The following IGSF10 variants were observed in gnomAD, a reference collection of about 807,000 sequenced individuals.
IGSF10 encodes immunoglobulin superfamily member 10.
In IGSF10, 126 loss-of-function variants were observed where a neutral mutation model predicts 128.2. The observed-to-expected ratio is 0.98, with a 90% CI of 0.85 to 1.14. The LOEUF (loss-of-function observed/expected upper bound fraction) is 1.14, where lower values mean the gene tolerates loss of function less well. IGSF10 is among the 50% of genes most tolerant of loss of function. The pLI, the probability that IGSF10 is intolerant of heterozygous loss-of-function variation, is 0.00. For synonymous variants in IGSF10, 1,185 were observed against 1,146.2 expected, an observed-to-expected ratio of 1.03 and a Z score of -0.68; for missense variants, 3,295 against 3,149.8, an observed-to-expected ratio of 1.05 and a Z score of -1.10.
At chr3:151,567,298 A>C in the IGSF10 span, among the ~76,000 whole-genome samples, 1 of 152,058 alleles carries the variant, frequency 6.6e-6, no homozygotes, top group Admixed American at 6.6e-5. Flanking sequence ...ATAAATATTC[A>C]TTTTATTTGA....
chr3:151,607,198 G>A, the IGSF10 span, among the ~76,000 whole-genome samples: 4 of 152,198 alleles, frequency 2.6e-5, no homozygotes, highest in African/African-American at 7.2e-5. Context: ...CTTAGAGGCT[G>A]AGTATTGGCA....
At chr3:151,464,244 T>C (rs944861368), upstream of IGSF10, among the ~76,000 whole-genome samples, 2 of 152,218 alleles carry the variant, frequency 1.3e-5, no homozygotes, top group African/African-American at 4.8e-5. Flanking sequence ...TACCTAATGA[T>C]TTTCTTTAAA....
chr3:151,437,192 C>T lies in IGSF10; in HGVS notation c.7369G>A (p.Asp2457Asn). 1 of 1,614,190 alleles carries T rather than the reference C, an allele frequency of 6.2e-7. No homozygotes were observed. The highest frequency in any genetic ancestry group is 1.3e-5 in the African/African-American group (1 of 75,048). Residue 2457 changes from aspartate to asparagine, a missense_variant, in exon 8 of 8, where the codon GAT (aspartate) becomes AAT (asparagine). By Grantham distance (23) the Asp-to-Asn change is conservative. Coordinates refer to ENST00000282466, the MANE Select transcript of IGSF10 (RefSeq NM_178822.5). ...TTGATATTTGGCTTAGGGATTCCAT[C>T]AGACACACAATGCAGTGATAGAGAT... ...GESLSLHCVS[D>N]GIPKPNIKWT...
At chr3:151,516,205 C>T in the IGSF10 span, among the ~76,000 whole-genome samples, 1 of 152,012 alleles carries the variant, frequency 6.6e-6, no homozygotes. Context: ...TAGAACTGTA[C>T]ACCCATTGGA....
chr3:151,584,364 T>C, the IGSF10 span, among the ~76,000 whole-genome samples: 1 of 152,246 alleles, frequency 6.6e-6, no homozygotes, highest in Admixed American at 6.5e-5. Flanking sequence ...TCTGACAATC[T>C]TTATCTTTTA....
At chr3:151,608,764 G>A in the IGSF10 span, among the ~76,000 whole-genome samples, 2 of 151,968 alleles carry the variant, frequency 1.3e-5, no homozygotes, top group African/African-American at 4.8e-5. Flanking sequence ...TGACATTTTT[G>A]TCAAAGAAAA....
chr3:151,457,306 C>T (rs936145384), intron 3 of IGSF10, 151 bp from the exon 4 acceptor site: 33 of 734,254 alleles, frequency 4.5e-5, no homozygotes, highest in Non-Finnish European at 6.5e-5. Context: ...TGAAATTCAC[C>T]AGATGCCACA....
chr3:151,501,188 A>G, the IGSF10 span, among the ~76,000 whole-genome samples: 18 of 152,058 alleles, frequency 1.2e-4, no homozygotes, highest in Non-Finnish European at 7.4e-5. Flanking sequence ...TCCGTAAGGC[A>G]GTTTGAGGAC....
At chr3:151,493,992 G>T in the IGSF10 span, among the ~76,000 whole-genome samples, 5 of 151,872 alleles carry the variant, frequency 3.3e-5, no homozygotes, top group African/African-American at 1.2e-4. Flanking sequence ...GAACTCAAGA[G>T]CATTGTAAAG....
chr3:151,524,130 C>A, the IGSF10 span, among the ~76,000 whole-genome samples: 1 of 152,040 alleles, frequency 6.6e-6, no homozygotes, highest in African/African-American at 2.4e-5. Flanking sequence ...GAAAAAATAA[C>A]AGGTGCTGGC....
At position 151,447,743 on chromosome 3, in the gene IGSF10, G is replaced by C; in HGVS notation, c.2238C>G (p.Pro746=). Residue 746 remains proline, a synonymous_variant, in exon 6 of 8, where the codon CCC becomes CCG. Transcript: ENST00000282466. ...GTTGTGGGTCAATTCTCCTAGCAGA[G>C]GGAGGGAAATGCCTCCTATTCTCCC... ...RFRENRRHFP[P]SARRIDPQHW... 1 of 1,614,104 alleles carries C rather than the reference G, an allele frequency of 6.2e-7. No individual in the cohort carries two copies.
the IGSF10 span, among the ~76,000 whole-genome samples, chr3:151,617,260 C>CTCTTCTTCT: frequency 0.013 from 742 of 55,726 alleles, 19 homozygotes; most frequent in Middle Eastern, 0.045. Context: ...TCTTCTCCTT[C>CTCTTCTTCT]TCTTCTTCTT....
chr3:151,617,425 T>A, the IGSF10 span, among the ~76,000 whole-genome samples: 1 of 151,458 alleles, frequency 6.6e-6, no homozygotes, highest in Non-Finnish European at 1.5e-5. Context: ...GGATGGCTAT[T>A]TCTCCCTGAA....
chr3:151,440,176 C>G (rs943743685), intron 7 of IGSF10, among the ~76,000 whole-genome samples: 2 of 152,092 alleles, frequency 1.3e-5, no homozygotes, highest in Non-Finnish European at 2.9e-5. Flanking sequence ...ACTACAGACA[C>G]ACACCACTAT....
At position 151,446,452 on chromosome 3, in the gene IGSF10, T is replaced by C; in HGVS notation, c.3529A>G (p.Ile1177Val). The C allele has an allele frequency of 6.2e-7, 1 of 1,614,192 alleles. No individual in the cohort carries two copies. Among genetic ancestry groups the C allele is most frequent in the Non-Finnish European group, 8.5e-7 (1 of 1,180,004 alleles). The change falls in exon 6 of 8, where the codon ATT becomes GTT. Residue 1177 changes from isoleucine to valine, a missense_variant. Transcript: ENST00000282466. ...STNEAKRDSV[I>V]TSSLSGAITK... ...ATAGCACCTGAAAGTGACGATGTAATCACTGAATCTCTTTTAGCTTCATTG... is the reference window on the plus strand; with the variant it reads ...ATAGCACCTGAAAGTGACGATGTAACCACTGAATCTCTTTTAGCTTCATTG...
the IGSF10 span, among the ~76,000 whole-genome samples, chr3:151,513,415 A>G: frequency 6.6e-6 from 1 of 152,230 alleles, no homozygotes; most frequent in Non-Finnish European, 1.5e-5. Flanking sequence ...GACAAAATTC[A>G]ACAACCCTTC....
At chr3:151,613,587 T>A in the IGSF10 span, among the ~76,000 whole-genome samples, 1 of 152,040 alleles carries the variant, frequency 6.6e-6, no homozygotes, top group Non-Finnish European at 1.5e-5. Flanking sequence ...GGATTCCCTA[T>A]TTAATAAATG....
chr3:151,503,267 C>T, the IGSF10 span, among the ~76,000 whole-genome samples: 1 of 151,554 alleles, frequency 6.6e-6, no homozygotes, highest in Admixed American at 6.6e-5. Context: ...AATAAGACAC[C>T]AAGAGTGAGA....
chr3:151,594,045 T>G, the IGSF10 span, among the ~76,000 whole-genome samples: 1 of 152,210 alleles, frequency 6.6e-6, no homozygotes, highest in Non-Finnish European at 1.5e-5. Context: ...CTGCCTCAGC[T>G]ACATTTTGCC....
Sources: allele counts gnomAD v4.1 joint callset (sites outside exome capture counted in the v4.1 genomes callset), GRCh38; gene constraint gnomAD v4.1.1; transcripts MANE v1.5; gene names NCBI Gene and HGNC (gene_info 2026-07-23, HGNC 2026-07-21).